The following XKR4 variants were observed in gnomAD, a reference collection of about 807,000 sequenced individuals.
XKR4 encodes the protein XK-related protein 4.
In XKR4, 12 loss-of-function variants were observed where a neutral mutation model predicts 53.9. The observed-to-expected ratio is 0.22, with a 90% CI of 0.14 to 0.36. The LOEUF (loss-of-function observed/expected upper bound fraction) is 0.36, where lower values mean the gene tolerates loss of function less well. Ranked by LOEUF, XKR4 falls within the 10% of genes least tolerant of loss-of-function variation. The pLI, the probability that XKR4 is intolerant of heterozygous loss-of-function variation, is 1.00. For missense variants in XKR4, 799 were observed against 859.5 expected, an observed-to-expected ratio of 0.93 and a Z score of 0.88; for synonymous variants, 354 against 362.4, an observed-to-expected ratio of 0.98 and a Z score of 0.26.
chr8:55,416,598 G>C (rs963863575), intron 2 of XKR4, among the ~76,000 whole-genome samples: 2 of 152,204 alleles, frequency 1.3e-5, no homozygotes, highest in Non-Finnish European at 2.9e-5. Flanking sequence ...GGAAGAGCTT[G>C]ACTCATTGCA....
At chr8:55,290,128 T>TG (rs1818998078) in intron 1 of XKR4, among the ~76,000 whole-genome samples, 1 of 151,126 alleles carries the variant, frequency 6.6e-6, no homozygotes, top group African/African-American at 2.4e-5. Context: ...TTCTTTAATT[T>TG]AATTTTTTTT....
intron 1 of XKR4, among the ~76,000 whole-genome samples, chr8:55,270,252 C>T (rs558158343): frequency 6.6e-6 from 1 of 152,270 alleles, no homozygotes; most frequent in African/African-American, 2.4e-5. Context: ...CTCTGCAGGT[C>T]CTTGCTGTGT....
intron 1 of XKR4, among the ~76,000 whole-genome samples, chr8:55,217,026 A>G (rs886844623): frequency 6.6e-6 from 1 of 151,986 alleles, no homozygotes. Flanking sequence ...GTGGATCACG[A>G]GGTCAGGAGA....
At chr8:55,166,930 A>G (rs1161230792) in intron 1 of XKR4, among the ~76,000 whole-genome samples, 1 of 152,210 alleles carries the variant, frequency 6.6e-6, no homozygotes, top group Non-Finnish European at 1.5e-5. Context: ...TAGATTTTAA[A>G]AGGCTCATTT....
At chr8:55,192,014 G>C (rs1406088737) in intron 1 of XKR4, among the ~76,000 whole-genome samples, 1 of 151,468 alleles carries the variant, frequency 6.6e-6, no homozygotes, top group Non-Finnish European at 1.5e-5. Context: ...TGCCTTAAAA[G>C]TGTTACTTTT....
rs1157860183 is a variant in XKR4, at chr8:55,426,006, A to G, written c.1006+68129A>G. On this transcript the variant is annotated intron_variant, in intron 2 of 2. Transcript: ENST00000327381. ...CCCCATCTTCAGACTGGATTCTCAC[A>G]TTTTACTTCCCTCCTCGTTCCTCAC... 2.6e-5 allele frequency among the ~76,000 whole-genome samples: 4 copies of G among 152,158 alleles called. No individual in the cohort carries two copies. In the South Asian group the frequency reaches 6.2e-4, roughly 24 times the overall value.
In XKR4 at chr8:55,255,477, T is replaced by C. The variant is rs10112725; in HGVS notation, c.807-102201T>C. Among the ~76,000 whole-genome samples the C allele has an allele frequency of 7.5e-3, 1,143 of 152,286 alleles. 8 individuals are homozygous for C. The highest frequency in any genetic ancestry group is 0.026 in the African/African-American group (1,087 of 41,552). ...ATTACCAAATTAATATAATAAATAATTTATTGTGAATTTCATGAAGGCGAA... is the reference window on the plus strand; with the variant it reads ...ATTACCAAATTAATATAATAAATAACTTATTGTGAATTTCATGAAGGCGAA... On this transcript the variant is annotated intron_variant, in intron 1 of 2. Transcript: ENST00000327381.
intron 2 of XKR4, among the ~76,000 whole-genome samples, chr8:55,397,025 A>G (rs1196751903): frequency 6.6e-6 from 1 of 152,270 alleles, no homozygotes; most frequent in Non-Finnish European, 1.5e-5. Context: ...GTTAATTTTC[A>G]AAGCCAGTCT....
Position 55,523,580 on chromosome 8 carries a change from G to A in XKR4, c.1306G>A (p.Val436Met), listed in dbSNP as rs751343278. Residue 436 changes from valine (V) to methionine (M), a missense_variant, in exon 3 of 3, where the codon GTG becomes ATG. By Grantham distance (21) the Val-to-Met change is conservative (BLOSUM62 1). Around this residue, in one of 3 missense-constraint regions of XKR4, gnomAD observed 54 missense variants for 89.7 expected, o/e 0.60. Coordinates refer to ENST00000327381, the MANE Select transcript of XKR4 (RefSeq NM_052898.2). ...ATGGGAAGAGATTGTGTTCGACATG[G>A]TGGTGGGGATTATCTATATCTTCAG... ...TKWEEIVFDMVVGIIYIFSWF... is the reference protein window; with the variant it reads ...TKWEEIVFDMMVGIIYIFSWF... 1 of 1,614,088 alleles carries A rather than the reference G, an allele frequency of 6.2e-7. No homozygotes were observed. The highest frequency in any genetic ancestry group is 1.3e-5 in the African/African-American group (1 of 74,916).
chr8:55,151,455 A>G (rs1159271653), intron 1 of XKR4, among the ~76,000 whole-genome samples: 3 of 152,234 alleles, frequency 2.0e-5, no homozygotes, highest in Non-Finnish European at 4.4e-5. Flanking sequence ...ACATGACTAC[A>G]AAATGATCAG....
chr8:55,474,893 G>A (rs1805955882), intron 2 of XKR4, among the ~76,000 whole-genome samples: 1 of 152,078 alleles, frequency 6.6e-6, no homozygotes, highest in African/African-American at 2.4e-5. Flanking sequence ...AAACCAGTCT[G>A]TTAAAATGCA....
At chr8:55,449,919 G>A (rs1805407033) in intron 2 of XKR4, 1 of 870,040 alleles carries the variant, frequency 1.1e-6, no homozygotes, top group Non-Finnish European at 1.9e-6. Context: ...ATGCGGTCGA[G>A]CCTCTATTCT....
intron 2 of XKR4, among the ~76,000 whole-genome samples, chr8:55,408,443 T>C (rs554719494): frequency 6.6e-6 from 1 of 152,278 alleles, no homozygotes; most frequent in African/African-American, 2.4e-5. Context: ...TTCTGTATCA[T>C]ATCTCAAGAT....
chr8:55,453,375 G>A (rs187755104), intron 2 of XKR4: 5 of 448,336 alleles, frequency 1.1e-5, no homozygotes, highest in Admixed American at 2.5e-5. Context: ...TACAGTTCCC[G>A]GGTGAGGCAG....
chr8:55,265,815 C>T (rs1818591937), intron 1 of XKR4, among the ~76,000 whole-genome samples: 1 of 150,126 alleles, frequency 6.7e-6, no homozygotes. Context: ...CATGTCTCTA[C>T]TAAAAAAAAA....
At chr8:55,185,877 A>C (rs1388222243) in intron 1 of XKR4, among the ~76,000 whole-genome samples, 8 of 152,218 alleles carry the variant, frequency 5.3e-5, no homozygotes, top group Admixed American at 2.0e-4. Flanking sequence ...GACTTCATGC[A>C]GTCAAATTAT....
chr8:55,383,374 C>A lies in XKR4; in HGVS notation c.1006+25497C>A, dbSNP rs1585548854. On this transcript the variant is annotated intron_variant, in intron 2 of 2. Transcript: ENST00000327381. ...CAAGTCTCATGTGCAGTTTCTGATT[C>A]TCAGTACATATAGCAAAGAGCAACA... is the stretch of plus-strand genomic sequence containing the variant. Among the ~76,000 whole-genome samples the A allele has an allele frequency of 2.0e-5, 3 of 152,288 alleles. 1 individual carries two copies. In the East Asian group the frequency reaches 5.8e-4, roughly 29 times the overall value.
intron 1 of XKR4, among the ~76,000 whole-genome samples, chr8:55,173,198 G>T (rs1032769510): frequency 6.6e-6 from 1 of 152,000 alleles, no homozygotes; most frequent in Admixed American, 6.6e-5. Context: ...AGTCCCCTTG[G>T]CAGGCCCCCT....
chr8:55,357,872 T>C lies in XKR4; in HGVS notation c.1001T>C (p.Leu334Pro). ...GTACAGACTCATAGCTTACAGGCCC[T>C]CCAAGGTAAGGGCTTGCAATTTGGT... The part of the protein sequence containing the change: ...IIVQTHSLQA[L>P]QGFTAAASLV... The change falls in exon 2 of 3, where the codon CTC becomes CCC. Residue 334 changes from leucine to proline, a missense_variant. Transcript: ENST00000327381. 2 of 1,610,752 alleles carry C rather than the reference T, an allele frequency of 1.2e-6. No homozygotes were observed. Among genetic ancestry groups the C allele is most frequent in the Non-Finnish European group, 1.7e-6 (2 of 1,177,346 alleles).
Sources: gnomAD v4.1 joint callset for allele counts (sites outside exome capture counted in the v4.1 genomes callset) on GRCh38, gnomAD v4.1.1 for gene constraint, gnomAD v4.1.1 regional missense constraint, MANE v1.5 for transcripts, NCBI Gene and HGNC (gene_info 2026-07-23, HGNC 2026-07-21) for gene names.